SDK1: variants seen among roughly 807,000 people sequenced by gnomAD.
The protein encoded by SDK1 is sidekick cell adhesion molecule 1.
A neutral mutation model predicts 245.5 loss-of-function variants in SDK1; 157 were observed. The observed-to-expected ratio is 0.64, with a 90% CI of 0.56 to 0.73. The LOEUF (loss-of-function observed/expected upper bound fraction) is 0.73, where lower values mean the gene tolerates loss of function less well. SDK1 is among the 30% of genes least tolerant of loss of function. The pLI is 0.00. For synonymous variants in SDK1, 1,647 were observed against 1,278.5 expected, an observed-to-expected ratio of 1.29 and a Z score of -6.15; for missense variants, 3,583 against 3,002.3, an observed-to-expected ratio of 1.19 and a Z score of -4.52.
At chr7:3,541,379 C>CCATA (rs946936401) in intron 1 of SDK1, among the ~76,000 whole-genome samples, 1 of 152,204 alleles carries the variant, frequency 6.6e-6, no homozygotes, top group Non-Finnish European at 1.5e-5. Flanking sequence ...GTAATCTAAG[C>CCATA]CATACGCTGG....
chr7:3,549,687 A>C (rs1483691023), intron 1 of SDK1, among the ~76,000 whole-genome samples: 1 of 152,154 alleles, frequency 6.6e-6, no homozygotes, highest in African/African-American at 2.4e-5. Flanking sequence ...TAAGCTGAAA[A>C]TTATCACAGA....
At chr7:3,928,629 T>A (rs1412120321) in intron 5 of SDK1, among the ~76,000 whole-genome samples, 1 of 150,412 alleles carries the variant, frequency 6.6e-6, no homozygotes, top group Non-Finnish European at 1.5e-5. Context: ...AAGTTTTTTT[T>A]TGGGGGGGGT....
intron 1 of SDK1, among the ~76,000 whole-genome samples, chr7:3,342,251 A>G (rs1436334393): frequency 6.6e-6 from 1 of 152,226 alleles, no homozygotes; most frequent in Non-Finnish European, 1.5e-5. Context: ...AACTCAAAAT[A>G]GATTATGGAC....
chr7:3,904,318 A>G (rs187242548), intron 5 of SDK1, among the ~76,000 whole-genome samples: 1 of 152,310 alleles, frequency 6.6e-6, no homozygotes, highest in Non-Finnish European at 1.5e-5. Flanking sequence ...GCTGAAGAGT[A>G]TAGGATTTCC....
intron 40 of SDK1, 66 bp downstream of exon 40, chr7:4,221,430 C>CG: frequency 6.6e-7 from 1 of 1,505,328 alleles, no homozygotes; most frequent in Non-Finnish European, 8.9e-7. Flanking sequence ...AAGACTGTGT[C>CG]GGGGGCTTCC....
At chr7:4,131,194 A>AG (rs907515640) in intron 27 of SDK1, among the ~76,000 whole-genome samples, 2 of 152,224 alleles carry the variant, frequency 1.3e-5, no homozygotes, top group African/African-American at 4.8e-5. Flanking sequence ...GTGTAACAGC[A>AG]GGCCCACTGC....
intron 1 of SDK1, among the ~76,000 whole-genome samples, chr7:3,418,145 GAAAAAAA>G (rs200914826): frequency 1.0e-4 from 12 of 119,726 alleles, no homozygotes; most frequent in African/African-American, 2.7e-4. Context: ...TACTAAAAAT[GAAAAAAA>G]AAAAAAAAAA....
At chr7:3,719,701 G>A (rs551582157) in intron 4 of SDK1, among the ~76,000 whole-genome samples, 4 of 152,110 alleles carry the variant, frequency 2.6e-5, no homozygotes, top group African/African-American at 7.2e-5. Flanking sequence ...TTAGGAGTCC[G>A]GGTGTGGTGG....
At chr7:4,058,000 T>A (rs1452372594) in intron 19 of SDK1, among the ~76,000 whole-genome samples, 1 of 151,744 alleles carries the variant, frequency 6.6e-6, no homozygotes, top group African/African-American at 2.4e-5. Context: ...AATATGAAAA[T>A]GCAAGGAAGT....
chr7:3,458,577 G>T (rs1780739108), intron 1 of SDK1, among the ~76,000 whole-genome samples: 1 of 151,574 alleles, frequency 6.6e-6, no homozygotes, highest in Non-Finnish European at 1.5e-5. Context: ...AACAGTTGTG[G>T]CAAGAAACAG....
At chr7:3,804,971 A>G (rs183081367) in intron 4 of SDK1, among the ~76,000 whole-genome samples, 31 of 152,348 alleles carry the variant, frequency 2.0e-4, no homozygotes, top group East Asian at 5.8e-4. Flanking sequence ...CATGGTGACT[A>G]TAGTTAACAA....
At chr7:3,625,101 C>T (rs1024032988) in intron 2 of SDK1, among the ~76,000 whole-genome samples, 4 of 152,002 alleles carry the variant, frequency 2.6e-5, no homozygotes, top group Non-Finnish European at 5.9e-5. Context: ...CTAAAAACAA[C>T]TTTTTGCAAA....
intron 4 of SDK1, among the ~76,000 whole-genome samples, chr7:3,789,279 C>T (rs1431572531): frequency 6.6e-6 from 1 of 152,154 alleles, no homozygotes; most frequent in East Asian, 1.9e-4. Context: ...TCCCAAGTAG[C>T]TGGGATTCCA....
chr7:3,675,405 C>CT (rs1272767112), intron 4 of SDK1, among the ~76,000 whole-genome samples: 2 of 152,126 alleles, frequency 1.3e-5, no homozygotes, highest in Admixed American at 6.6e-5. Context: ...CTTAGCTAAT[C>CT]TTTTTTTAGA....
At chr7:3,324,913 A>C (rs1303819130) in intron 1 of SDK1, among the ~76,000 whole-genome samples, 1 of 152,160 alleles carries the variant, frequency 6.6e-6, no homozygotes, top group African/African-American at 2.4e-5. Flanking sequence ...ACAGAAGGTA[A>C]ACTTTCCATG....
At chr7:3,311,353 G>A (rs1173132436) in intron 1 of SDK1, among the ~76,000 whole-genome samples, 2 of 152,172 alleles carry the variant, frequency 1.3e-5, no homozygotes, top group African/African-American at 4.8e-5. Flanking sequence ...GATTACATGG[G>A]TAATGGTGAT....
At chr7:3,636,005 A>G (rs1029376250) in intron 2 of SDK1, among the ~76,000 whole-genome samples, 4 of 152,216 alleles carry the variant, frequency 2.6e-5, no homozygotes, top group Non-Finnish European at 2.9e-5. Context: ...TTTTTGTTCA[A>G]ATATGATGTA....
rs77971001 is a variant in SDK1 at position 3,997,261 on chromosome 7, A to G, written c.2131+9939A>G. Reference sequence around the variant, plus strand: ...TATCCAGGAAGAATAAGGTTCACAGACAAATGGAGGGTGAGGAAGATGAAG... The same window carrying G: ...TATCCAGGAAGAATAAGGTTCACAGGCAAATGGAGGGTGAGGAAGATGAAG... On this transcript the variant is annotated intron_variant, in intron 14 of 44. Coordinates refer to ENST00000404826, the MANE Select transcript of SDK1 (RefSeq NM_152744.4). Among the ~76,000 whole-genome samples the G allele has an allele frequency of 7.8e-3, 1,195 of 152,274 alleles. 13 individuals carry two copies. The highest frequency in any genetic ancestry group is 0.027 in the African/African-American group (1,136 of 41,544).
At chr7:3,418,138 T>TTA (rs1779427471) in intron 1 of SDK1, among the ~76,000 whole-genome samples, 1 of 42,814 alleles carries the variant, frequency 2.3e-5, no homozygotes, top group Non-Finnish European at 3.7e-5. Context: ...CGATCTCTAC[T>TTA]AAAAATGAAA....
Sources: allele counts gnomAD v4.1 joint callset (sites outside exome capture counted in the v4.1 genomes callset), GRCh38; gene constraint gnomAD v4.1.1; transcripts MANE v1.5; gene names NCBI Gene and HGNC (gene_info 2026-07-23, HGNC 2026-07-21).